TTC28: variants seen among roughly 807,000 people sequenced by gnomAD.
TTC28 encodes the protein tetratricopeptide repeat domain 28.
TTC28 carries 61 observed loss-of-function variants against 198.0 expected under a neutral mutation model. That is an observed-to-expected ratio of 0.31 (90% CI 0.25 to 0.38). TTC28 has a LOEUF of 0.38. TTC28 is among the 10% of genes least tolerant of loss of function. The pLI, the probability that TTC28 is intolerant of heterozygous loss-of-function variation, is 1.00. For synonymous variants in TTC28, 1,171 were observed against 1,297.8 expected (o/e 0.90, Z 2.10); for missense variants, 2,678 against 3,164.0 (o/e 0.85, Z 3.69).
intron 2 of TTC28, among the ~76,000 whole-genome samples, chr22:28,404,276 C>T (rs573256306): frequency 2.6e-5 from 4 of 152,000 alleles, no homozygotes; most frequent in Admixed American, 6.6e-5. Flanking sequence ...CCCACCACTA[C>T]GCCCGGCTAA....
At chr22:28,383,033 T>C (rs1378329017) in intron 2 of TTC28, among the ~76,000 whole-genome samples, 2 of 152,210 alleles carry the variant, frequency 1.3e-5, no homozygotes, top group Non-Finnish European at 2.9e-5. Flanking sequence ...CAAAAGATTG[T>C]CCTCTTTTGA....
intron 2 of TTC28, among the ~76,000 whole-genome samples, chr22:28,530,237 C>T (rs955083303): frequency 2.0e-5 from 3 of 152,136 alleles, no homozygotes; most frequent in Non-Finnish European, 2.9e-5. Flanking sequence ...AGCTGAAAAC[C>T]ATGGCATGAG....
intron 2 of TTC28, among the ~76,000 whole-genome samples, chr22:28,411,171 G>A (rs560816145): frequency 1.3e-5 from 2 of 152,228 alleles, no homozygotes; most frequent in South Asian, 2.1e-4. Context: ...ACCCCAGAAC[G>A]AATTCTTCTA....
At chr22:28,170,696 G>A (rs574134365) in intron 5 of TTC28, among the ~76,000 whole-genome samples, 1 of 152,202 alleles carries the variant, frequency 6.6e-6, no homozygotes, top group East Asian at 1.9e-4. Flanking sequence ...AGGCTCACTG[G>A]AGAGGGTCCT....
intron 1 of TTC28, among the ~76,000 whole-genome samples, chr22:28,663,363 T>G (rs1454633610): frequency 1.3e-5 from 2 of 150,894 alleles, no homozygotes; most frequent in African/African-American, 2.4e-5. Context: ...GACGGGTGAT[T>G]TCTGCATTTC....
At chr22:28,127,868 C>A (rs932076383) in intron 6 of TTC28, among the ~76,000 whole-genome samples, 2 of 149,918 alleles carry the variant, frequency 1.3e-5, no homozygotes, top group East Asian at 3.9e-4. Context: ...GCTGGGACTA[C>A]AGGTTCAAAT....
At chr22:28,095,770 T>C (rs1941953396) in intron 11 of TTC28, among the ~76,000 whole-genome samples, 1 of 152,238 alleles carries the variant, frequency 6.6e-6, no homozygotes, top group African/African-American at 2.4e-5. Flanking sequence ...TAACCTGTGA[T>C]AGAGCTGCCA....
chr22:28,091,310 C>T (rs577994704), intron 12 of TTC28, among the ~76,000 whole-genome samples: 1 of 152,306 alleles, frequency 6.6e-6, no homozygotes, highest in East Asian at 1.9e-4. Context: ...CTTCTTTCTC[C>T]TGGTGAATTT....
intron 5 of TTC28, among the ~76,000 whole-genome samples, chr22:28,212,408 G>C (rs1297776065): frequency 7.2e-6 from 1 of 138,570 alleles, no homozygotes; most frequent in African/African-American, 2.5e-5. Flanking sequence ...AAAGAGAGAA[G>C]AGTCAAATAG....
intron 5 of TTC28, among the ~76,000 whole-genome samples, chr22:28,165,329 A>G (rs374396825): frequency 2.2e-4 from 33 of 152,302 alleles, no homozygotes; most frequent in Admixed American, 2.0e-3. Context: ...TACAGAGAAC[A>G]CCACAAAGAT....
chr22:28,348,053 T>A (rs888945437), intron 2 of TTC28, among the ~76,000 whole-genome samples: 1 of 152,254 alleles, frequency 6.6e-6, no homozygotes, highest in Non-Finnish European at 1.5e-5. Flanking sequence ...GCCTGGCACA[T>A]GCCCTTCCTT....
intron 5 of TTC28, among the ~76,000 whole-genome samples, chr22:28,275,534 G>A (rs1229019081): frequency 1.3e-5 from 2 of 152,124 alleles, no homozygotes. Flanking sequence ...AGACTCTGCT[G>A]AGCCTTTGGA....
intron 5 of TTC28, 144 bp downstream of exon 5, chr22:28,296,054 A>C: frequency 2.3e-6 from 2 of 860,410 alleles, no homozygotes; most frequent in Non-Finnish European, 3.4e-6. Context: ...GTTGATGAAA[A>C]ACAGAATCAG....
At chr22:28,595,872 C>T (rs1164813813) in intron 2 of TTC28, among the ~76,000 whole-genome samples, 2 of 152,010 alleles carry the variant, frequency 1.3e-5, no homozygotes, top group African/African-American at 4.8e-5. Flanking sequence ...TGCAGTGAGC[C>T]GAGATGGCGC....
chr22:28,592,955 T>A (rs988259768), intron 2 of TTC28, among the ~76,000 whole-genome samples: 1 of 152,166 alleles, frequency 6.6e-6, no homozygotes, highest in African/African-American at 2.4e-5. Flanking sequence ...TTTCCCAGAA[T>A]CCCTTTTGTT....
chr22:28,363,938 GA>G (rs1330014226), intron 2 of TTC28, among the ~76,000 whole-genome samples: 3 of 152,178 alleles, frequency 2.0e-5, no homozygotes, highest in Admixed American at 2.0e-4. Context: ...CTCGTCGGTG[GA>G]AGGGACTTGC....
At chr22:28,360,540 C>G (rs1414087402) in intron 2 of TTC28, among the ~76,000 whole-genome samples, 1 of 152,108 alleles carries the variant, frequency 6.6e-6, no homozygotes, top group Non-Finnish European at 1.5e-5. Flanking sequence ...ACAACATTCT[C>G]AAAGCTGAGT....
chr22:28,207,270 T>C (rs989802225), intron 5 of TTC28, among the ~76,000 whole-genome samples: 1 of 147,596 alleles, frequency 6.8e-6, no homozygotes, highest in Non-Finnish European at 1.5e-5. Flanking sequence ...CAATAAATAG[T>C]TCTTTATAGC....
At chr22:28,457,815 T>A (rs1201174080) in intron 2 of TTC28, among the ~76,000 whole-genome samples, 1 of 152,180 alleles carries the variant, frequency 6.6e-6, no homozygotes, top group South Asian at 2.1e-4. Context: ...AAATTAATCA[T>A]GTCAACTTCC....
Sources: allele counts gnomAD v4.1 joint callset (sites outside exome capture counted in the v4.1 genomes callset), GRCh38; gene constraint gnomAD v4.1.1; transcripts MANE v1.5; gene names NCBI Gene and HGNC (gene_info 2026-07-23, HGNC 2026-07-21).